Variants in TC2N observed in about 807,000 individuals in gnomAD.
The protein encoded by TC2N is tandem C2 domains nuclear protein.
Under a neutral mutation model 61.9 loss-of-function variants are expected in TC2N, and 51 were observed. The observed-to-expected ratio is 0.82, with a 90% CI of 0.66 to 1.04. The LOEUF is 1.04. Ranked by LOEUF, TC2N falls within the 50% of genes least tolerant of loss-of-function variation. The pLI, the probability that TC2N is intolerant of heterozygous loss-of-function variation, is 0.00. For synonymous variants in TC2N, 204 were observed against 192.6 expected (o/e 1.06, Z -0.49); for missense variants, 556 against 566.7 (o/e 0.98, Z 0.19).
chr14:91,820,931 A>G (rs10144961), intron 1 of TC2N, among the ~76,000 whole-genome samples: 3,626 of 152,194 alleles, frequency 0.024, 147 homozygotes, highest in African/African-American at 0.084. Context: ...ACCACAAGAC[A>G]TTACTGAAAG....
intron 9 of TC2N, among the ~76,000 whole-genome samples, chr14:91,790,242 T>C (rs1319321652): frequency 6.6e-6 from 1 of 152,246 alleles, no homozygotes; most frequent in Non-Finnish European, 1.5e-5. Context: ...GAAGTAATTA[T>C]TTACATTACT....
chr14:91,821,473 G>A (rs1887249459), intron 1 of TC2N, among the ~76,000 whole-genome samples: 1 of 151,432 alleles, frequency 6.6e-6, no homozygotes, highest in Non-Finnish European at 1.5e-5. Context: ...TTGGATCCCT[G>A]CCTCCCACCA....
rs185872509 is a variant in TC2N at position 91,841,916 on chromosome 14, T to C, written c.-57+25346A>G. ...TTAAACCCCTCCAATACATCATTCA[T>C]GTTCTTGGCTACCTAGCAATAAGAT... On this transcript the variant is annotated intron_variant, in intron 1 of 11. Coordinates refer to ENST00000435962, the MANE Select transcript of TC2N (RefSeq NM_001128596.3). 2.9e-4 allele frequency among the ~76,000 whole-genome samples: 44 copies of C among 152,124 alleles called. 1 individual carries two copies. In the East Asian group the frequency reaches 6.2e-3, roughly 21 times the overall value.
At chr14:91,841,103 CAA>C (rs1385481831) in intron 1 of TC2N, among the ~76,000 whole-genome samples, 4 of 152,230 alleles carry the variant, frequency 2.6e-5, no homozygotes, top group Admixed American at 6.5e-5. Flanking sequence ...AAGGAGGAAA[CAA>C]AGAGAGAATC....
intron 3 of TC2N, among the ~76,000 whole-genome samples, chr14:91,807,717 T>C (rs1395837200): frequency 6.6e-6 from 1 of 152,178 alleles, no homozygotes; most frequent in Non-Finnish European, 1.5e-5. Context: ...GACTTTGAAT[T>C]GTGGACTTTT....
intron 1 of TC2N, among the ~76,000 whole-genome samples, chr14:91,836,871 G>A (rs1342807444): frequency 6.6e-6 from 1 of 152,224 alleles, no homozygotes; most frequent in Non-Finnish European, 1.5e-5. Context: ...GACTTGGGGA[G>A]GCAGGGGCAG....
At chr14:91,807,163 C>A (rs1371717841) in intron 3 of TC2N, among the ~76,000 whole-genome samples, 2 of 152,208 alleles carry the variant, frequency 1.3e-5, no homozygotes, top group Non-Finnish European at 2.9e-5. Flanking sequence ...GCCTGGATGT[C>A]CAGGCAAACG....
intron 1 of TC2N, among the ~76,000 whole-genome samples, chr14:91,856,840 A>G (rs1250737808): frequency 6.6e-6 from 1 of 152,230 alleles, no homozygotes; most frequent in Non-Finnish European, 1.5e-5. Context: ...TAGTGCCACC[A>G]GAGTTTACCT....
At chr14:91,819,884 T>C (rs192403693) in intron 1 of TC2N, among the ~76,000 whole-genome samples, 309 of 151,334 alleles carry the variant, frequency 2.0e-3, no homozygotes, top group African/African-American at 7.2e-3. Context: ...ACACAACCAC[T>C]AAAATAAGAA....
chr14:91,826,042 C>A (rs776708007), intron 1 of TC2N, among the ~76,000 whole-genome samples: 1 of 152,114 alleles, frequency 6.6e-6, no homozygotes. Context: ...CTTGGCAGGG[C>A]ATAGTGCCTC....
At chr14:91,792,248 A>G (rs1012201144) in intron 9 of TC2N, 119 bp downstream of exon 9, 2 of 492,690 alleles carry the variant, frequency 4.1e-6, no homozygotes, top group Admixed American at 6.9e-5. Context: ...TATTATTGCT[A>G]CTTGAGAGCC....
At chr14:91,804,396 G>A (rs539473886) in intron 3 of TC2N, among the ~76,000 whole-genome samples, 10 of 152,174 alleles carry the variant, frequency 6.6e-5, no homozygotes, top group Admixed American at 1.3e-4. Context: ...AAGAATGTTC[G>A]TAAGTATTAT....
At chr14:91,855,683 T>C (rs1361872836) in intron 1 of TC2N, among the ~76,000 whole-genome samples, 2 of 152,244 alleles carry the variant, frequency 1.3e-5, no homozygotes, top group Non-Finnish European at 1.5e-5. Flanking sequence ...ACTATTCAAC[T>C]CACTACAGTG....
chr14:91,844,492 G>C (rs954659923), intron 1 of TC2N, among the ~76,000 whole-genome samples: 1 of 152,134 alleles, frequency 6.6e-6, no homozygotes, highest in African/African-American at 2.4e-5. Context: ...GGCCCAACGT[G>C]GTGGCTCACG....
chr14:91,830,586 G>T (rs574917777), intron 1 of TC2N, among the ~76,000 whole-genome samples: 117 of 151,896 alleles, frequency 7.7e-4, no homozygotes, highest in African/African-American at 2.7e-3. Context: ...TGGGTACAAG[G>T]TTTTTTTAGG....
intron 3 of TC2N, among the ~76,000 whole-genome samples, chr14:91,811,360 GT>G (rs140029765): frequency 1.3e-4 from 19 of 149,154 alleles, no homozygotes; most frequent in African/African-American, 2.5e-4. Flanking sequence ...TCACTATTAA[GT>G]TTTTTTTTTA....
chr14:91,795,609 TTAC>T, intron 8 of TC2N, among the ~76,000 whole-genome samples: 1 of 152,292 alleles, frequency 6.6e-6, no homozygotes, highest in Admixed American at 6.5e-5. Flanking sequence ...AGTATGTAAA[TTAC>T]TTTTTTTAGA....
intron 1 of TC2N, among the ~76,000 whole-genome samples, chr14:91,842,961 T>A (rs1237020291): frequency 6.6e-6 from 1 of 152,146 alleles, no homozygotes; most frequent in African/African-American, 2.4e-5. Flanking sequence ...TCCCTACCCG[T>A]TGATTTTGGG....
At chr14:91,799,445 G>A (rs1380564198) in intron 5 of TC2N, among the ~76,000 whole-genome samples, 1 of 152,014 alleles carries the variant, frequency 6.6e-6, no homozygotes, top group Non-Finnish European at 1.5e-5. Flanking sequence ...ATCTGGACCT[G>A]CAGAAACAGT....
Sources: gnomAD v4.1 joint callset for allele counts (sites outside exome capture counted in the v4.1 genomes callset) on GRCh38, gnomAD v4.1.1 for gene constraint, MANE v1.5 for transcripts, NCBI Gene and HGNC (gene_info 2026-07-23, HGNC 2026-07-21) for gene names.